SPNS1: variants seen among roughly 807,000 people sequenced by gnomAD.
SPNS1 encodes the protein SPNS lysolipid transporter 1, lysophospholipid, also known as protein spinster homolog 1.
In SPNS1, 22 loss-of-function variants were observed where a neutral mutation model predicts 50.3. The ratio of observed to expected loss-of-function variants is 0.44; its 90% CI spans 0.31 to 0.62. The LOEUF is 0.62. SPNS1 is among the 20% of genes least tolerant of loss of function. The probability of loss-of-function intolerance (pLI) is 0.07; values close to 1 mark genes in which losing one functional copy is unlikely to be tolerated. For synonymous variants in SPNS1, 295 were observed against 317.4 expected (o/e 0.93, Z 0.75); for missense variants, 576 against 728.6 (o/e 0.79, Z 2.41).
Position 28,982,447 on chromosome 16 carries a change from C to T in SPNS1, c.1057C>T (p.Arg353Trp), listed in dbSNP as rs762210057. Residue 353 changes from arginine to tryptophan, a missense_variant, in exon 8 of 12, where the codon CGG (arginine) becomes TGG (tryptophan). Physicochemically the swap from Arg to Trp is moderately radical, Grantham distance 101. This residue lies in a region of SPNS1 where 428 missense variants were observed against 520.1 expected (regional missense o/e 0.82). Coordinates refer to ENST00000311008, the MANE Select transcript of SPNS1 (RefSeq NM_032038.3). ...ISRRLRHSNP[R>W]ADPLVCATGL... ...CCGCCGGCTCCGCCACTCCAACCCC[C>T]GGGCTGATCCCCTGGTCTGTGCCAC... The T allele has an allele frequency of 1.2e-5, 20 of 1,613,906 alleles. No individual in the cohort carries two copies. Among genetic ancestry groups the T allele is most frequent in the South Asian group, 2.2e-5 (2 of 91,080 alleles).
Position 28,975,197 on chromosome 16 carries a change from C to G in SPNS1, c.46C>G (p.Pro16Ala). 1 of 1,500,180 alleles carries G rather than the reference C, an allele frequency of 6.7e-7. No homozygotes were observed. Among genetic ancestry groups the G allele is most frequent in the Non-Finnish European group, 8.9e-7 (1 of 1,123,526 alleles). 92.9% of individuals were successfully genotyped at this position (1,500,180 alleles called of 1,614,324 possible). A position where few individuals can be genotyped will look rare whatever the true frequency, so the allele number is the denominator to read the frequency against. The change falls in exon 1 of 12, where the codon CCG becomes GCG. Residue 16 changes from proline (P) to alanine (A), a missense_variant. Pro to Ala is a conservative substitution (Grantham distance 27, BLOSUM62 -1). Coordinates refer to ENST00000311008, the MANE Select transcript of SPNS1 (RefSeq NM_032038.3). ...TAPFLSQADDPDDGPVPGTPG... is the reference protein window; with the variant it reads ...TAPFLSQADDADDGPVPGTPG... ...GCCCTTCCTCAGCCAGGCGGATGAC[C>G]CGGACGACGGGCCAGTGCCTGGCAC... is the stretch of plus-strand genomic sequence containing the variant.
rs1435421118 is a variant in SPNS1, at chr16:28,974,895, C to T, written c.-257C>T. The stretch of plus-strand genomic sequence containing the variant: ...GGTGGCCTCCGCGTGGGATCGTGCC[C>T]TCTTCAGCCCGCTCCTGTCCCCGAC... On this transcript the variant is annotated 5_prime_UTR_variant, in exon 1 of 12. Transcript: ENST00000311008. 1.3e-6 allele frequency: 2 copies of T among 1,529,582 alleles called. No individual in the cohort carries two copies. Among genetic ancestry groups the T allele is most frequent in the East Asian group, 2.4e-5 (1 of 40,870 alleles). 94.8% of individuals were successfully genotyped at this position (1,529,582 alleles called of 1,614,324 possible).
rs1965567181 is a variant in SPNS1 at position 28,981,895 on chromosome 16, C to T, written c.810-6C>T. The T allele has an allele frequency of 6.2e-7, 1 of 1,614,076 alleles. No individual in the cohort carries two copies. Among genetic ancestry groups the T allele is most frequent in the Non-Finnish European group, 8.5e-7 (1 of 1,179,972 alleles). ...GTCTTACTCTCTCCCTCCCAACTAT[C>T]TGCAGTCCTAGTTTCGTCCTGTCTT... On this transcript the variant is annotated splice_polypyrimidine_tract_variant and splice_region_variant and intron_variant, in intron 6 of 11. Coordinates refer to ENST00000311008, the MANE Select transcript of SPNS1 (RefSeq NM_032038.3). The surrounding 1 kb of genome is among the most constrained non-coding windows in gnomAD (Gnocchi z 4.2).
intron 2 of SPNS1, among the ~76,000 whole-genome samples, chr16:28,976,777 T>C (rs1407521309): frequency 6.6e-6 from 1 of 152,210 alleles, no homozygotes; most frequent in Non-Finnish European, 1.5e-5. Flanking sequence ...TCTTCAAACC[T>C]CTGAAGAGTT....
chr16:28,981,688 T>G lies in SPNS1; in HGVS notation c.809+73T>G. 6.3e-7 allele frequency: 1 copy of G among 1,577,760 alleles called. No individual in the cohort carries two copies. Among genetic ancestry groups the G allele is most frequent in the East Asian group, 2.2e-5 (1 of 44,510 alleles). On this transcript the variant is annotated intron_variant, in intron 6 of 11. Transcript: ENST00000311008. This position sits in a 1 kb window ranked among gnomAD's most constrained non-coding sequence, Gnocchi z 4.2. ...TGGTTTGAGGTTTAAGTGGGGATGT[T>G]CCTGTTCCTGGCCACACCCCAAGGC...
In SPNS1 at chr16:28,979,143, C is replaced by T. The variant is rs1247069261; in HGVS notation, c.445-12C>T. ...GGCTGGGGTGCCACCTCTCCCCGGTCTCTCTCCCCAGCATTTCTGGCTGCT... is the reference window on the plus strand; with the variant it reads ...GGCTGGGGTGCCACCTCTCCCCGGTTTCTCTCCCCAGCATTTCTGGCTGCT... On this transcript the variant is annotated splice_polypyrimidine_tract_variant and intron_variant, in intron 3 of 11. Coordinates refer to ENST00000311008, the MANE Select transcript of SPNS1 (RefSeq NM_032038.3). 1.2e-6 allele frequency: 2 copies of T among 1,611,678 alleles called. No individual in the cohort carries two copies. The highest frequency in any genetic ancestry group is 1.3e-5 in the African/African-American group (1 of 74,896).
chr16:28,979,134 C>T (rs1467557906), intron 3 of SPNS1, 21 bp from the exon 4 acceptor site: 3 of 1,608,790 alleles, frequency 1.9e-6, no homozygotes, highest in African/African-American at 2.7e-5. Context: ...GGTGCCACCT[C>T]TCCCCGGTCT....
rs1965555006 is a variant in SPNS1, at chr16:28,981,605, C to G, written c.799C>G (p.Leu267Val). The G allele has an allele frequency of 6.2e-7, 1 of 1,614,036 alleles. No homozygotes were observed. Among genetic ancestry groups the G allele is most frequent in the Non-Finnish European group, 8.5e-7 (1 of 1,179,966 alleles). Residue 267 changes from leucine to valine, a missense_variant, in exon 6 of 12, where the codon CTG becomes GTG. Leu to Val is a conservative substitution (Grantham distance 32, BLOSUM62 1). Transcript: ENST00000311008. This position sits in a 1 kb window ranked among gnomAD's most constrained non-coding sequence, Gnocchi z 4.2. ...CTCGTGGTGGGCAGATCTGAGGGCT[C>G]TGGCAAGAAAGTGAGTTTATTCCCA... ...PTSWWADLRALARNPSFVLSS... is the reference protein window; with the variant it reads ...PTSWWADLRAVARNPSFVLSS...
intron 2 of SPNS1, 38 bp from the exon 3 acceptor site, chr16:28,977,870 G>A (rs527289754): frequency 1.9e-6 from 3 of 1,606,380 alleles, no homozygotes; most frequent in Admixed American, 1.7e-5. Context: ...GGAGGTAGGG[G>A]TACCTGGGCT....
In SPNS1 at chr16:28,983,925, C is replaced by T; in HGVS notation, c.1460C>T (p.Ala487Val). 1.3e-6 allele frequency: 2 copies of T among 1,595,194 alleles called. No individual in the cohort carries two copies. Among genetic ancestry groups the T allele is most frequent in the Non-Finnish European group, 1.7e-6 (2 of 1,176,726 alleles). Residue 487 changes from alanine to valine, a missense_variant, in exon 11 of 12, where the codon GCC (alanine) becomes GTC (valine). By Grantham distance (64) the Ala-to-Val change is moderately conservative. Transcript: ENST00000311008. This position sits in a 1 kb window ranked among gnomAD's most constrained non-coding sequence, Gnocchi z 5.4. ...AFLGTAIFIEADRRRAQLHVQ... is the reference protein window; with the variant it reads ...AFLGTAIFIEVDRRRAQLHVQ... ...CTGGGCACCGCCATCTTCATTGAGG[C>T]CGACCGCCGGCGGGCACAGCTGCAC... is the stretch of plus-strand genomic sequence containing the variant.
chr16:28,982,829 A>G, intron 8 of SPNS1, 28 bp from the exon 9 acceptor site: 5 of 1,613,182 alleles, frequency 3.1e-6, no homozygotes, highest in African/African-American at 1.3e-5. Context: ...CCTTACTGTC[A>G]TGAACCCCCG....
In SPNS1 at chr16:28,983,331, C is replaced by G. The variant is rs752401268; in HGVS notation, c.1320+41C>G. ...TGGCTGGCATGGGGTGGCTGGTGTC[C>G]TGAGCCTGGGCTGGATCAGAAGGCC... On this transcript the variant is annotated intron_variant, in intron 10 of 11. Transcript: ENST00000311008. The surrounding 1 kb of genome is among the most constrained non-coding windows in gnomAD (Gnocchi z 5.4). 1.8e-5 allele frequency: 27 copies of G among 1,535,156 alleles called. No individual in the cohort carries two copies. The Admixed American group carries it at 4.5e-4, about 26-fold the overall frequency.
rs1965626013 is a variant in SPNS1, at chr16:28,983,383, G to A, written c.1320+93G>A. The A allele has an allele frequency of 4.1e-6, 4 of 985,976 alleles. No individual in the cohort carries two copies. The highest frequency in any genetic ancestry group is 2.7e-5 in the South Asian group (2 of 74,256). 61.1% of individuals were successfully genotyped at this position (985,976 alleles called of 1,614,324 possible). On this transcript the variant is annotated intron_variant, in intron 10 of 11. Coordinates refer to ENST00000311008, the MANE Select transcript of SPNS1 (RefSeq NM_032038.3). The surrounding 1 kb of genome is among the most constrained non-coding windows in gnomAD (Gnocchi z 5.4). ...GGCCCTAGTGAAGTGTCTGTGTCCT[G>A]CGTGCTGGGCACTTCTCACCTTCCA...
chr16:28,978,038 C>T lies in SPNS1; in HGVS notation c.438C>T (p.Pro146=), dbSNP rs968471587. ...SLVTLGSSFI[P]GEHFWLLLLT... is the part of the protein sequence containing the mutation. ...TGACACTGGGGTCATCCTTCATCCCCGGAGAGGTGAGGCCCCAAGCTGGCT... is the reference window on the plus strand; with the variant it reads ...TGACACTGGGGTCATCCTTCATCCCTGGAGAGGTGAGGCCCCAAGCTGGCT... Residue 146 remains proline (P), a synonymous_variant, in exon 3 of 12, where the codon CCC becomes CCT. Transcript: ENST00000311008. 15 of 1,613,040 alleles carry T rather than the reference C, an allele frequency of 9.3e-6. No homozygotes were observed. The Admixed American group carries it at 1.2e-4, about 13-fold the overall frequency.
In SPNS1 at chr16:28,974,828, C is replaced by G. The variant is rs1474997392; in HGVS notation, c.-324C>G. ...CGGCTGCCGTGGTGCAGCGCCCGGG[C>G]TGAGCGACAGCAAGTGCAGCGGGCT... On this transcript the variant is annotated 5_prime_UTR_variant, in exon 1 of 12. Coordinates refer to ENST00000311008, the MANE Select transcript of SPNS1 (RefSeq NM_032038.3). 1 of 1,535,724 alleles carries G rather than the reference C, an allele frequency of 6.5e-7. No individual in the cohort carries two copies. The highest frequency in any genetic ancestry group is 2.0e-5 in the Admixed American group (1 of 50,980).
In SPNS1 at chr16:28,983,189, C is replaced by T. The variant is rs565170127; in HGVS notation, c.1222-3C>T. ...CCACTGAGCTCCACCAACTCCTCCA[C>T]AGTACGTGGTGATCCCTACCCGACG... On this transcript the variant is annotated splice_polypyrimidine_tract_variant and splice_region_variant and intron_variant, in intron 9 of 11. Transcript: ENST00000311008. The surrounding 1 kb of genome is among the most constrained non-coding windows in gnomAD (Gnocchi z 5.4). The T allele has an allele frequency of 8.1e-6, 13 of 1,609,446 alleles. No homozygotes were observed. In the East Asian group the frequency reaches 8.9e-5, roughly 11 times the overall value.
Position 28,983,019 on chromosome 16 carries a change from C to T in SPNS1, c.1221+97C>T. 2.1e-6 allele frequency: 3 copies of T among 1,400,838 alleles called. No homozygotes were observed. The East Asian group carries it at 6.9e-5, about 32-fold the overall frequency. The allele number at this position is 1,400,838 out of a possible 1,614,324, so 86.8% of individuals were successfully genotyped here. A position where few individuals can be genotyped will look rare whatever the true frequency, so the allele number is the denominator to read the frequency against. On this transcript the variant is annotated intron_variant, in intron 9 of 11. Transcript: ENST00000311008. The surrounding 1 kb of genome is among the most constrained non-coding windows in gnomAD (Gnocchi z 5.4). Reference sequence around the variant, plus strand: ...TCTACCCCTCAAAGCCCAGCCTCAACCTACCTTCTGCAATAAATAACATCT... The same window carrying T: ...TCTACCCCTCAAAGCCCAGCCTCAATCTACCTTCTGCAATAAATAACATCT...
At position 28,978,050 on chromosome 16, in the gene SPNS1, G is replaced by A. The variant is rs1965403928; in HGVS notation, c.444+6G>A. ...CATCCTTCATCCCCGGAGAGGTGAGGCCCCAAGCTGGCTCCTGTTTCTGCC... is the reference window on the plus strand; with the variant it reads ...CATCCTTCATCCCCGGAGAGGTGAGACCCCAAGCTGGCTCCTGTTTCTGCC... On this transcript the variant is annotated splice_donor_region_variant and intron_variant, in intron 3 of 11. Coordinates refer to ENST00000311008, the MANE Select transcript of SPNS1 (RefSeq NM_032038.3). The A allele has an allele frequency of 2.5e-6, 4 of 1,611,728 alleles. No individual in the cohort carries two copies. The African/African-American group carries it at 4.0e-5, about 16-fold the overall frequency.
In SPNS1 at chr16:28,982,840, A is replaced by T. The variant is rs763569525; in HGVS notation, c.1156-17A>T. The T allele has an allele frequency of 5.0e-6, 8 of 1,613,102 alleles. No individual in the cohort carries two copies. The East Asian group carries it at 8.9e-5, about 18-fold the overall frequency. On this transcript the variant is annotated splice_polypyrimidine_tract_variant and intron_variant, in intron 8 of 11. Transcript: ENST00000311008. The stretch of plus-strand genomic sequence containing the variant: ...TAGCCCTTACTGTCATGAACCCCCG[A>T]CCCTCTCTTCCCCCAGATTTTCATC...
Sources: allele counts gnomAD v4.1 joint callset (sites outside exome capture counted in the v4.1 genomes callset), GRCh38; gene constraint gnomAD v4.1.1; regional missense constraint gnomAD v4.1.1; non-coding constraint Gnocchi (gnomAD v3.1); transcripts MANE v1.5; gene names NCBI Gene and HGNC (gene_info 2026-07-23, HGNC 2026-07-21).